Variants in COMMD10 observed in about 807,000 individuals in gnomAD.
COMMD10 encodes the protein COMM domain-containing protein 10.
A neutral mutation model predicts 28.9 loss-of-function variants in COMMD10; 33 were observed. The observed-to-expected ratio is 1.14, with a 90% CI of 0.87 to 1.53. The LOEUF (loss-of-function observed/expected upper bound fraction) is 1.53, where lower values mean the gene tolerates loss of function less well. Among genes scored for constraint, COMMD10 ranks in the 40% most tolerant of loss-of-function variants. The pLI, the probability that COMMD10 is intolerant of heterozygous loss-of-function variation, is 0.00. For missense variants in COMMD10, 310 were observed against 233.4 expected (o/e 1.33, Z -2.14); for synonymous variants, 110 against 81.7 (o/e 1.35, Z -1.87).
chr5:116,124,046 G>GT (rs879318663), intron 4 of COMMD10, among the ~76,000 whole-genome samples: 1 of 151,910 alleles, frequency 6.6e-6, no homozygotes, highest in Non-Finnish European at 1.5e-5. Context: ...GTTTTGAAGG[G>GT]TTTTTTTCTG....
At position 116,204,795 on chromosome 5, in the gene COMMD10, T is replaced by C. The variant is rs1335578564; in HGVS notation, c.510+70617T>C. On this transcript the variant is annotated intron_variant, in intron 5 of 6. Coordinates refer to ENST00000274458, the MANE Select transcript of COMMD10 (RefSeq NM_016144.4). ...CTGCTTGTCAACCTTTTATTTACTG[T>C]GGAGGTCGTGGTATACGGTATTAAA... 2.0e-5 allele frequency among the ~76,000 whole-genome samples: 3 copies of C among 152,252 alleles called. No homozygotes were observed. The East Asian group carries it at 5.8e-4, about 29-fold the overall frequency.
At chr5:116,130,432 T>G (rs1751825911) in intron 4 of COMMD10, among the ~76,000 whole-genome samples, 1 of 151,938 alleles carries the variant, frequency 6.6e-6, no homozygotes, top group Non-Finnish European at 1.5e-5. Context: ...AGTTTGTTAA[T>G]TTATTGACCC....
intron 5 of COMMD10, among the ~76,000 whole-genome samples, chr5:116,182,219 A>G (rs1747989630): frequency 6.6e-6 from 1 of 152,120 alleles, no homozygotes; most frequent in Non-Finnish European, 1.5e-5. Flanking sequence ...GGCAACAACA[A>G]CAACAAAAAG....
chr5:116,239,493 G>A (rs983755874), intron 5 of COMMD10, among the ~76,000 whole-genome samples: 7 of 152,244 alleles, frequency 4.6e-5, no homozygotes, highest in African/African-American at 1.7e-4. Flanking sequence ...TATGAGCTTT[G>A]CCTCTCTTTG....
chr5:116,222,451 T>C (rs921749342), intron 5 of COMMD10, among the ~76,000 whole-genome samples: 1 of 152,206 alleles, frequency 6.6e-6, no homozygotes, highest in African/African-American at 2.4e-5. Context: ...ATTCAAATTA[T>C]ATTAAATTGA....
At chr5:116,128,955 AT>A (rs1751758968) in intron 4 of COMMD10, among the ~76,000 whole-genome samples, 1 of 151,830 alleles carries the variant, frequency 6.6e-6, no homozygotes, top group African/African-American at 2.4e-5. Context: ...CTTTTTGATA[AT>A]GTTAATTTTG....
At chr5:116,154,206 G>A (rs1234083855) in intron 5 of COMMD10, among the ~76,000 whole-genome samples, 1 of 152,064 alleles carries the variant, frequency 6.6e-6, no homozygotes, top group Non-Finnish European at 1.5e-5. Flanking sequence ...GGCTTGGGAA[G>A]CATAATTTCA....
At chr5:116,213,300 C>G (rs1441833449) in intron 5 of COMMD10, among the ~76,000 whole-genome samples, 1 of 152,098 alleles carries the variant, frequency 6.6e-6, no homozygotes, top group African/African-American at 2.4e-5. Flanking sequence ...ATACTAGGCT[C>G]CCTTGCTAGT....
chr5:116,278,774 C>A (rs953929155), intron 5 of COMMD10, among the ~76,000 whole-genome samples: 3 of 151,682 alleles, frequency 2.0e-5, no homozygotes, highest in Admixed American at 1.3e-4. Flanking sequence ...AGGTGGGGAC[C>A]TTCAAGTGTG....
chr5:116,216,142 C>A (rs994876370), intron 5 of COMMD10, among the ~76,000 whole-genome samples: 7 of 152,122 alleles, frequency 4.6e-5, no homozygotes, highest in Non-Finnish European at 8.8e-5. Flanking sequence ...ACCCCAGTAT[C>A]CAATATTTTT....
intron 4 of COMMD10, among the ~76,000 whole-genome samples, chr5:116,099,451 G>A (rs10065178): frequency 0.51 from 77,811 of 151,688 alleles, 22,107 homozygotes; most frequent in Non-Finnish European, 0.65. Flanking sequence ...TTTCCTTTGC[G>A]TATAAACCAG....
At chr5:116,222,562 T>A (rs1749289641) in intron 5 of COMMD10, among the ~76,000 whole-genome samples, 1 of 152,218 alleles carries the variant, frequency 6.6e-6, no homozygotes, top group Non-Finnish European at 1.5e-5. Context: ...GGGAATTTAA[T>A]GTTCTTTTCA....
At chr5:116,213,813 G>C (rs189133794) in intron 5 of COMMD10, among the ~76,000 whole-genome samples, 3 of 152,022 alleles carry the variant, frequency 2.0e-5, no homozygotes, top group African/African-American at 7.2e-5. Context: ...CAAATACCAT[G>C]TTAAGGTGCT....
chr5:116,133,956 C>G lies in COMMD10; in HGVS notation c.400-112C>G, dbSNP rs896515603. On this transcript the variant is annotated intron_variant, in intron 4 of 6. Transcript: ENST00000274458. ...TTAAAAGAGCCCTGGAACTGACTTT[C>G]TGTGAAGCCTAGGCTATCCATATAC... The G allele has an allele frequency of 1.4e-5, 9 of 637,322 alleles. No homozygotes were observed. The African/African-American group carries it at 1.7e-4, about 12-fold the overall frequency. The allele number at this position is 637,322 out of a possible 1,614,324, so 39.5% of individuals were successfully genotyped here.
intron 2 of COMMD10, among the ~76,000 whole-genome samples, chr5:116,090,460 C>G (rs998799532): frequency 2.6e-5 from 4 of 152,170 alleles, no homozygotes; most frequent in Admixed American, 2.0e-4. Context: ...GTGGCCTTTG[C>G]ACTTCAAAAA....
intron 5 of COMMD10, among the ~76,000 whole-genome samples, chr5:116,269,792 A>G (rs998069041): frequency 5.3e-5 from 8 of 151,762 alleles, no homozygotes; most frequent in Non-Finnish European, 1.2e-4. Flanking sequence ...GTAGGTTATT[A>G]AAGTACCCTT....
intron 5 of COMMD10, among the ~76,000 whole-genome samples, chr5:116,155,720 C>G (rs1446448176): frequency 6.6e-6 from 1 of 151,948 alleles, no homozygotes; most frequent in Non-Finnish European, 1.5e-5. Context: ...TTGCTTTCAG[C>G]CAAATTATTT....
At chr5:116,269,649 C>A (rs1366336835) in intron 5 of COMMD10, among the ~76,000 whole-genome samples, 5 of 151,738 alleles carry the variant, frequency 3.3e-5, no homozygotes, top group Admixed American at 6.6e-5. Context: ...CATACTGATT[C>A]ATCTCAAATA....
At chr5:116,085,136 G>T (rs375958593) in intron 1 of COMMD10, 43 bp downstream of exon 1, 11 of 1,552,944 alleles carry the variant, frequency 7.1e-6, no homozygotes, top group Non-Finnish European at 2.6e-6. Context: ...CGCCCAGGAA[G>T]GCCCAGATCG....
Sources: allele counts gnomAD v4.1 joint callset (sites outside exome capture counted in the v4.1 genomes callset), GRCh38; gene constraint gnomAD v4.1.1; transcripts MANE v1.5; gene names NCBI Gene and HGNC (gene_info 2026-07-23, HGNC 2026-07-21).